The following CCDC126 variants were observed in gnomAD, a reference collection of about 807,000 sequenced individuals.
The protein encoded by CCDC126 is coiled-coil domain-containing protein 126.
A neutral mutation model predicts 11.7 loss-of-function variants in CCDC126; 5 were observed. The ratio of observed to expected loss-of-function variants is 0.43; its 90% CI spans 0.22 to 0.90. The LOEUF (loss-of-function observed/expected upper bound fraction) is 0.90. Among genes scored for constraint, CCDC126 ranks in the 40% least tolerant of loss-of-function variants. The pLI, the probability that CCDC126 is intolerant of heterozygous loss-of-function variation, is 0.27. For missense variants in CCDC126, 150 were observed against 163.1 expected (o/e 0.92, Z 0.44); for synonymous variants, 60 against 61.9 (o/e 0.97, Z 0.14).
chr7:23,634,761 C>G (rs972343248), intron 3 of CCDC126, among the ~76,000 whole-genome samples: 1 of 152,126 alleles, frequency 6.6e-6, no homozygotes, highest in Non-Finnish European at 1.5e-5. Context: ...CAGGTGGGGT[C>G]TCTGGCGGTA....
Position 23,621,994 on chromosome 7 carries a change from T to C in CCDC126, c.238+10441T>C, listed in dbSNP as rs191048840. Among the ~76,000 whole-genome samples the C allele has an allele frequency of 3.3e-3, 496 of 152,340 alleles. 1 individual carries two copies. Among genetic ancestry groups the C allele is most frequent in the Non-Finnish European group, 5.7e-3 (387 of 68,030 alleles). ...TGGATTCGGTTTGCCAGTGTTTTAC[T>C]GAGGATTTTTGCATTGTTGTTCATC... On this transcript the variant is annotated intron_variant, in intron 3 of 3. Transcript: ENST00000307471.
intron 3 of CCDC126, among the ~76,000 whole-genome samples, chr7:23,628,902 C>T (rs1412822898): frequency 4.6e-5 from 7 of 152,180 alleles, no homozygotes; most frequent in African/African-American, 1.7e-4. Context: ...AGTGAGGAGC[C>T]CACCACCCTT....
intron 3 of CCDC126, among the ~76,000 whole-genome samples, chr7:23,642,214 G>A (rs1489023251): frequency 6.6e-6 from 1 of 151,886 alleles, no homozygotes; most frequent in African/African-American, 2.4e-5. Flanking sequence ...GGGTTTCACC[G>A]TGTTAGACAG....
intron 3 of CCDC126, among the ~76,000 whole-genome samples, chr7:23,632,388 G>A (rs1002785372): frequency 6.6e-5 from 10 of 152,160 alleles, no homozygotes; most frequent in Non-Finnish European, 1.5e-4. Context: ...GAGCCACCAC[G>A]CCTGGCCACA....
chr7:23,612,597 C>T (rs1377833964), intron 3 of CCDC126, among the ~76,000 whole-genome samples: 1 of 151,566 alleles, frequency 6.6e-6, no homozygotes, highest in Non-Finnish European at 1.5e-5. Flanking sequence ...GGCTTGAGCC[C>T]AAGAGGTCAA....
chr7:23,641,319 C>A (rs1297320287), intron 3 of CCDC126, among the ~76,000 whole-genome samples: 1 of 152,114 alleles, frequency 6.6e-6, no homozygotes, highest in Non-Finnish European at 1.5e-5. Context: ...TAGAGAGTAT[C>A]TATTCAAGTC....
chr7:23,636,431 G>C (rs1439156537), intron 3 of CCDC126, among the ~76,000 whole-genome samples: 3 of 150,264 alleles, frequency 2.0e-5, no homozygotes, highest in Admixed American at 6.6e-5. Flanking sequence ...CCTCTTCGCC[G>C]CCGCCATCCC....
At chr7:23,623,830 C>A (rs1489991287) in intron 3 of CCDC126, among the ~76,000 whole-genome samples, 2 of 152,130 alleles carry the variant, frequency 1.3e-5, no homozygotes, top group Non-Finnish European at 1.5e-5. Flanking sequence ...GACATCACTT[C>A]GTAACCCATA....
intron 3 of CCDC126, among the ~76,000 whole-genome samples, chr7:23,636,019 C>G (rs1308975340): frequency 1.3e-5 from 2 of 152,048 alleles, no homozygotes; most frequent in Non-Finnish European, 2.9e-5. Flanking sequence ...AGTGCCGCCA[C>G]GCCTGACTGG....
At chr7:23,627,023 A>T (rs913278915) in intron 3 of CCDC126, among the ~76,000 whole-genome samples, 1 of 152,170 alleles carries the variant, frequency 6.6e-6, no homozygotes, top group Non-Finnish European at 1.5e-5. Flanking sequence ...TTTGCCTAGA[A>T]CAATGAATTG....
chr7:23,633,267 C>T (rs1365231295), intron 3 of CCDC126, among the ~76,000 whole-genome samples: 1 of 152,154 alleles, frequency 6.6e-6, no homozygotes, highest in Non-Finnish European at 1.5e-5. Context: ...GCTGGGATTA[C>T]AGGCGTGAGC....
At chr7:23,635,866 GCTCTCC>G (rs200378392) in intron 3 of CCDC126, among the ~76,000 whole-genome samples, 512 of 151,754 alleles carry the variant, frequency 3.4e-3, no homozygotes, top group East Asian at 0.01. Flanking sequence ...ACTGTCCCCT[GCTCTCC>G]CTCTCCCTCT....
In CCDC126 at chr7:23,605,456, A is replaced by G. The variant is rs550127879; in HGVS notation, c.-145-5715A>G. ...GTGTGTGTGTGTGGTAAAAAAATAC[A>G]TAATCTAAAATTTATCATTTTAACA... On this transcript the variant is annotated intron_variant, in intron 2 of 3. Coordinates refer to ENST00000307471, the MANE Select transcript of CCDC126 (RefSeq NM_138771.4). 3.3e-5 allele frequency among the ~76,000 whole-genome samples: 5 copies of G among 151,514 alleles called. No homozygotes were observed. The South Asian group carries it at 8.3e-4, about 25-fold the overall frequency.
At chr7:23,599,578 A>G (rs762297284) in intron 2 of CCDC126, among the ~76,000 whole-genome samples, 6 of 151,746 alleles carry the variant, frequency 4.0e-5, no homozygotes, top group Admixed American at 2.0e-4. Flanking sequence ...GCTCACTGCA[A>G]CTTCTACCTT....
At chr7:23,623,407 G>A (rs1451842867) in intron 3 of CCDC126, among the ~76,000 whole-genome samples, 6 of 151,992 alleles carry the variant, frequency 3.9e-5, no homozygotes, top group East Asian at 1.9e-4. Flanking sequence ...GACCAGCCAC[G>A]ACAACATGGC....
intron 2 of CCDC126, among the ~76,000 whole-genome samples, chr7:23,600,382 C>A (rs534654738): frequency 4.2e-5 from 6 of 143,678 alleles, no homozygotes; most frequent in South Asian, 2.5e-4. Flanking sequence ...TAACCCCCCC[C>A]CCCCCACCAC....
chr7:23,607,567 T>C (rs1454250661), intron 2 of CCDC126, among the ~76,000 whole-genome samples: 1 of 152,242 alleles, frequency 6.6e-6, no homozygotes, highest in African/African-American at 2.4e-5. Context: ...CTTCAGTTGC[T>C]AAAGAAGTCA....
intron 3 of CCDC126, among the ~76,000 whole-genome samples, chr7:23,635,013 A>G (rs1174502124): frequency 6.6e-6 from 1 of 152,096 alleles, no homozygotes; most frequent in African/African-American, 2.4e-5. Context: ...CCTTCTTTTG[A>G]TTTTTGTGTG....
intron 3 of CCDC126, among the ~76,000 whole-genome samples, chr7:23,630,985 G>A (rs1467911978): frequency 6.6e-6 from 1 of 151,954 alleles, no homozygotes; most frequent in African/African-American, 2.4e-5. Context: ...ATAAAAAATT[G>A]TGGGACACAG....
Sources: allele counts gnomAD v4.1 joint callset (sites outside exome capture counted in the v4.1 genomes callset), GRCh38; gene constraint gnomAD v4.1.1; transcripts MANE v1.5; gene names NCBI Gene and HGNC (gene_info 2026-07-23, HGNC 2026-07-21).